Variants in IQSEC2 observed in about 807,000 individuals in gnomAD.
The protein encoded by IQSEC2 is IQ motif and SEC7 domain-containing protein 2.
In IQSEC2, 6 loss-of-function variants were observed where a neutral mutation model predicts 74.6. The observed-to-expected ratio is 0.08, with a 90% CI of 0.04 to 0.16. IQSEC2 has a LOEUF of 0.16. Ranked by LOEUF, IQSEC2 falls within the 10% of genes least tolerant of loss-of-function variation. The probability of loss-of-function intolerance (pLI) is 1.00; values close to 1 mark genes in which losing one functional copy is unlikely to be tolerated. For missense variants in IQSEC2, 734 were observed against 1,306.2 expected, an observed-to-expected ratio of 0.56 and a Z score of 6.75; for synonymous variants, 494 against 544.5, an observed-to-expected ratio of 0.91 and a Z score of 1.29.
At chrX:53,303,526 C>T (rs1029644575) in intron 1 of IQSEC2, among the ~76,000 whole-genome samples, 3 of 111,365 alleles carry the variant, frequency 2.7e-5, no homozygotes, top group Non-Finnish European at 5.7e-5. Context: ...GTAGGCCGGG[C>T]GTGGTGGTTC....
chrX:53,281,520 A>G (rs1382351959), intron 2 of IQSEC2: 2 of 1,153,162 alleles, frequency 1.7e-6, no homozygotes, highest in Admixed American at 2.6e-5. Context: ...GGGGGGCTCC[A>G]TGGGTCTGGA....
chrX:53,241,906 G>A lies in IQSEC2; in HGVS notation c.2893C>T (p.Leu965=). ...ERMIVGKKPV[L]SLPHRRLVCC... ...ACCAGTCGACGGTGAGGGAGAGACA[G>A]GACCTAGACAGGCATGAAGAAACAG... is the stretch of plus-strand genomic sequence containing the variant. The change falls in exon 10 of 15, where the codon CTG becomes TTG. Residue 965 remains leucine (L), a synonymous_variant. Transcript: ENST00000642864. 2.5e-6 allele frequency: 3 copies of A among 1,208,509 alleles called. No individual in the cohort carries two copies. The highest frequency in any genetic ancestry group is 2.2e-6 in the Non-Finnish European group (2 of 893,935).
Position 53,239,209 on chromosome X carries a change from A to G in IQSEC2, c.3101T>C (p.Leu1034Pro). The G allele has an allele frequency of 8.3e-7, 1 of 1,198,933 alleles. No homozygotes were observed. Among genetic ancestry groups the G allele is most frequent in the Non-Finnish European group, 1.1e-6 (1 of 883,852 alleles). ...SFPLVEMHMQ[L>P]FQNSYYQFGI... Reference sequence around the variant, plus strand: ...AAGGGACTCACATGAATTCTGGAAGAGCTGCATGTGCATTTCCACGAGGGG... The same window carrying G: ...AAGGGACTCACATGAATTCTGGAAGGGCTGCATGTGCATTTCCACGAGGGG... The change falls in exon 11 of 15, where the codon CTC becomes CCC. Residue 1034 changes from leucine (L) to proline (P), a missense_variant. By Grantham distance (98) the Leu-to-Pro change is moderately conservative. This residue lies in a region of IQSEC2 where 249 missense variants were observed against 467.9 expected (regional missense o/e 0.53). Transcript: ENST00000642864.
At chrX:53,228,618 C>G, downstream of IQSEC2, among the ~76,000 whole-genome samples, 1 of 111,965 alleles carries the variant, frequency 8.9e-6, no homozygotes, top group South Asian at 3.7e-4. Flanking sequence ...GACTTTGTGT[C>G]TCACTTTTTT....
intron 2 of IQSEC2, among the ~76,000 whole-genome samples, chrX:53,277,188 T>C (rs999574219): frequency 1.7e-4 from 19 of 110,482 alleles, no homozygotes; most frequent in Non-Finnish European, 3.0e-4. Context: ...CCTGGTACCA[T>C]TTCTGGGGAG....
chrX:53,256,156 A>G (rs2074464409), intron 2 of IQSEC2, 95 bp from the exon 3 acceptor site: 5 of 861,098 alleles, frequency 5.8e-6, no homozygotes, highest in Non-Finnish European at 8.0e-6. Context: ...CCTGCCCCCC[A>G]TCCCATCCAC....
In IQSEC2 at chrX:53,321,341, C is replaced by T; in HGVS notation, c.-218G>A. 1 of 230,252 alleles carries T rather than the reference C, an allele frequency of 4.3e-6. No individual in the cohort carries two copies. Among genetic ancestry groups the T allele is most frequent in the South Asian group, 1.9e-4 (1 of 5,249 alleles). The allele number at this position is 230,252 out of a possible 1,213,427, so 19.0% of individuals were successfully genotyped here. A position where few individuals can be genotyped will look rare whatever the true frequency, so the allele number is the denominator to read the frequency against. On this transcript the variant is annotated 5_prime_UTR_variant, in exon 1 of 15. Transcript: ENST00000642864. Reference sequence around the variant, plus strand: ...AGGCTGCCGCCGCCACCACCACCACCACAGCCACTGCTCGGGAGGACGCGG... The same window carrying T: ...AGGCTGCCGCCGCCACCACCACCACTACAGCCACTGCTCGGGAGGACGCGG...
chrX:53,292,032 C>A, intron 1 of IQSEC2, 108 bp from the exon 2 acceptor site: 3 of 620,014 alleles, frequency 4.8e-6, no homozygotes, highest in African/African-American at 2.2e-5. Flanking sequence ...ATGCACATCA[C>A]AAAAATGAGG....
At position 53,234,972 on chromosome X, in the gene IQSEC2, C is replaced by T. The variant is rs1355674546; in HGVS notation, c.3714G>A (p.Thr1238=). The change falls in exon 15 of 15, where the codon ACG becomes ACA. Residue 1238 remains threonine, a synonymous_variant. Transcript: ENST00000642864. ...GATGGTGGTGGTGGTGGTGGTGGTG[C>T]GTGGAAGAAGCAGATGAAGAGGAGG... ...ASASSSSASS[T]HHHHHHHHHG... is the part of the protein sequence containing the mutation. 3 of 1,166,936 alleles carry T rather than the reference C, an allele frequency of 2.6e-6. No homozygotes were observed. Among genetic ancestry groups the T allele is most frequent in the Middle Eastern group, 2.4e-4 (1 of 4,089 alleles).
intron 1 of IQSEC2, among the ~76,000 whole-genome samples, chrX:53,307,279 TTTTC>T (rs2075273154): frequency 3.1e-5 from 3 of 96,725 alleles, no homozygotes; most frequent in Non-Finnish European, 4.2e-5. Flanking sequence ...TTCTTTTTCT[TTTTC>T]TTTCTTTCTT....
chrX:53,255,720 C>A (rs994392124), intron 3 of IQSEC2, 80 bp downstream of exon 3: 2 of 1,124,739 alleles, frequency 1.8e-6, no homozygotes, highest in East Asian at 3.0e-5. Flanking sequence ...GATACCACCC[C>A]CAAGAGCCAC....
intron 1 of IQSEC2, among the ~76,000 whole-genome samples, chrX:53,317,500 T>C (rs2075389588): frequency 1.8e-5 from 2 of 111,867 alleles, no homozygotes; most frequent in Non-Finnish European, 3.8e-5. Flanking sequence ...TCTGGTGGGC[T>C]TCACTTCTCT....
intron 2 of IQSEC2, among the ~76,000 whole-genome samples, chrX:53,285,218 T>C (rs2075014174): frequency 9.0e-6 from 1 of 111,716 alleles, no homozygotes; most frequent in African/African-American, 3.3e-5. Flanking sequence ...GTTGGGTATA[T>C]TTCCGTGGTG....
intron 2 of IQSEC2, chrX:53,281,385 AAGGG>A (rs1214071840): frequency 4.5e-6 from 2 of 447,480 alleles, no homozygotes; most frequent in Admixed American, 8.6e-5. Context: ...AGAGTCCAAG[AAGGG>A]AGCCAGGAAC....
intron 8 of IQSEC2, 118 bp from the exon 9 acceptor site, chrX:53,243,589 G>T: frequency 2.0e-6 from 2 of 984,699 alleles, no homozygotes; most frequent in Non-Finnish European, 1.3e-6. Flanking sequence ...AGGGTCAATG[G>T]GTACCCTCGG....
chrX:53,268,005 A>G lies in IQSEC2; in HGVS notation c.738-11944T>C, dbSNP rs1035997226. On this transcript the variant is annotated intron_variant, in intron 2 of 14. Coordinates refer to ENST00000642864, the MANE Select transcript of IQSEC2 (RefSeq NM_001111125.3). Reference sequence around the variant, plus strand: ...TGGGAGAAGAGTCGCTGCAGGAACAAGCACCTATCCCTAGGGTGCTGCTGA... The same window carrying G: ...TGGGAGAAGAGTCGCTGCAGGAACAGGCACCTATCCCTAGGGTGCTGCTGA... 4.5e-5 allele frequency among the ~76,000 whole-genome samples: 5 copies of G among 111,996 alleles called. No individual in the cohort carries two copies. In the Admixed American group the frequency reaches 4.7e-4, roughly 11 times the overall value.
chrX:53,315,166 G>A (rs1247212708), intron 1 of IQSEC2, among the ~76,000 whole-genome samples: 5 of 111,755 alleles, frequency 4.5e-5, no homozygotes, highest in African/African-American at 1.3e-4. Flanking sequence ...AGAGGTGGGC[G>A]GATCACCTGA....
At position 53,254,343 on chromosome X, in the gene IQSEC2, A is replaced by AAAAAGG. The variant is rs370967301; in HGVS notation, c.1401+186_1401+187insCCTTTT. 0.085 allele frequency among the ~76,000 whole-genome samples: 9,307 copies of AAAAAGG among 109,032 alleles called. 1,181 individuals carry two copies. The highest frequency in any genetic ancestry group is 0.31 in the African/African-American group (8,830 of 28,608). The allele number at this position is 109,032 out of a possible 115,157, so 94.7% of individuals were successfully genotyped here. Reference sequence around the variant, plus strand: ...GAAACTCCGTCTCAAAAAAAAAAAAAAAAAAGGTAATTTCTATCTTACCAG... The same window carrying AAAAAGG: ...GAAACTCCGTCTCAAAAAAAAAAAAAAAAAGGAAAAAGGTAATTTCTATCTTACCAG... On this transcript the variant is annotated intron_variant, in intron 4 of 14. Coordinates refer to ENST00000642864, the MANE Select transcript of IQSEC2 (RefSeq NM_001111125.3).
In IQSEC2 at chrX:53,267,067, G is replaced by A. The variant is rs782577204; in HGVS notation, c.738-11006C>T. The A allele has an allele frequency of 1.2e-4, 136 of 1,149,231 alleles. No individual in the cohort carries two copies. The African/African-American group carries it at 1.8e-3, about 16-fold the overall frequency. The allele number at this position is 1,149,231 out of a possible 1,213,427, so 94.7% of individuals were successfully genotyped here. A position where few individuals can be genotyped will look rare whatever the true frequency, so the allele number is the denominator to read the frequency against. On this transcript the variant is annotated intron_variant, in intron 2 of 14. Transcript: ENST00000642864. ...TCTCCTCCTCCTCCTCCTCTTCCCTGGGGCCAGGAAGGGCGGGGTAGAGGC... is the reference window on the plus strand; with the variant it reads ...TCTCCTCCTCCTCCTCCTCTTCCCTAGGGCCAGGAAGGGCGGGGTAGAGGC...
Sources: gnomAD v4.1 joint callset for allele counts (sites outside exome capture counted in the v4.1 genomes callset) on GRCh38, gnomAD v4.1.1 for gene constraint, gnomAD v4.1.1 regional missense constraint, MANE v1.5 for transcripts, NCBI Gene and HGNC (gene_info 2026-07-23, HGNC 2026-07-21) for gene names.